The following MARCHF3 variants were observed in gnomAD, a reference collection of about 807,000 sequenced individuals.
The protein encoded by MARCHF3 is membrane associated ring-CH-type finger 3.
MARCHF3 carries 13 observed loss-of-function variants against 24.2 expected under a neutral mutation model. The observed-to-expected ratio is 0.54, with a 90% CI of 0.35 to 0.85. The LOEUF is 0.85. Among genes scored for constraint, MARCHF3 ranks in the 40% least tolerant of loss-of-function variants. MARCHF3 has a pLI of 0.01. For missense variants in MARCHF3, 276 were observed against 325.0 expected (o/e 0.85, Z 1.16); for synonymous variants, 144 against 137.3 (o/e 1.05, Z -0.34).
At chr5:127,022,259 G>A (rs1033626887) in intron 1 of MARCHF3, among the ~76,000 whole-genome samples, 3 of 152,328 alleles carry the variant, frequency 2.0e-5, no homozygotes, top group Non-Finnish European at 4.4e-5. Flanking sequence ...AATGCTCTAA[G>A]CAAGTCCTTT....
chr5:126,931,439 A>T (rs926164335), intron 1 of MARCHF3, among the ~76,000 whole-genome samples: 15 of 152,366 alleles, frequency 9.8e-5, no homozygotes, highest in East Asian at 3.9e-4. Context: ...GTTCCCAAAG[A>T]TCTTTCTAGT....
chr5:126,922,860 T>A (rs2126798723), intron 1 of MARCHF3, among the ~76,000 whole-genome samples: 2 of 152,328 alleles, frequency 1.3e-5, no homozygotes, highest in Middle Eastern at 6.8e-3. Flanking sequence ...TTCTGTCTTT[T>A]AAAACTGTCT....
chr5:126,962,256 C>A (rs180838525), intron 1 of MARCHF3, among the ~76,000 whole-genome samples: 5 of 151,846 alleles, frequency 3.3e-5, no homozygotes, highest in Admixed American at 2.6e-4. Flanking sequence ...ATATATATAT[C>A]TCTGCAGATT....
At chr5:126,933,661 G>A (rs1371777300) in intron 1 of MARCHF3, among the ~76,000 whole-genome samples, 1 of 152,042 alleles carries the variant, frequency 6.6e-6, no homozygotes, top group Non-Finnish European at 1.5e-5. Context: ...AGCCAGGATG[G>A]TCTTGATTTC....
rs544682900 is a variant in MARCHF3 at position 126,937,756 on chromosome 5, G to C, written c.-56-19529C>G. On this transcript the variant is annotated intron_variant, in intron 1 of 4. Coordinates refer to ENST00000308660, the MANE Select transcript of MARCHF3 (RefSeq NM_178450.5). ...ACCTTGGTTGTTGTTTTTGGGGTGA[G>C]AGTGGGGTGAGAAGAAAGAGTAGGG... is the stretch of plus-strand genomic sequence containing the variant. Among the ~76,000 whole-genome samples the C allele has an allele frequency of 2.1e-4, 32 of 152,290 alleles. 1 individual carries two copies. In the South Asian group the frequency reaches 6.4e-3, roughly 31 times the overall value.
chr5:126,874,586 CAAA>C (rs55934327), intron 4 of MARCHF3, among the ~76,000 whole-genome samples: 36 of 85,586 alleles, frequency 4.2e-4, no homozygotes, highest in African/African-American at 1.0e-3. Context: ...AACTCCCTCT[CAAA>C]AAAAAAAAAA....
At chr5:126,929,228 T>C (rs557804070) in intron 1 of MARCHF3, among the ~76,000 whole-genome samples, 1 of 152,364 alleles carries the variant, frequency 6.6e-6, no homozygotes, top group East Asian at 1.9e-4. Context: ...CCATTTCACT[T>C]GTTCCTCTCT....
chr5:126,890,691 T>G (rs1262157293), intron 3 of MARCHF3, among the ~76,000 whole-genome samples: 1 of 151,468 alleles, frequency 6.6e-6, no homozygotes, highest in African/African-American at 2.4e-5. Flanking sequence ...CTATCATTGT[T>G]GGACATTTGG....
At chr5:126,943,859 G>A (rs1749917881) in intron 1 of MARCHF3, among the ~76,000 whole-genome samples, 1 of 151,796 alleles carries the variant, frequency 6.6e-6, no homozygotes, top group Admixed American at 6.6e-5. Flanking sequence ...CGCTCAGGCT[G>A]GAGTGCCAGT....
chr5:127,000,377 G>A (rs1043781055), intron 1 of MARCHF3, among the ~76,000 whole-genome samples: 9 of 152,144 alleles, frequency 5.9e-5, no homozygotes, highest in East Asian at 1.9e-4. Flanking sequence ...TGGGCCTAGC[G>A]TGGCTAAGTT....
intron 1 of MARCHF3, among the ~76,000 whole-genome samples, chr5:127,008,284 G>T (rs974257279): frequency 1.3e-5 from 2 of 152,134 alleles, no homozygotes; most frequent in Non-Finnish European, 2.9e-5. Context: ...CTCATTGTTT[G>T]ATTGCTCGAA....
At chr5:126,921,236 G>A (rs1749097851) in intron 1 of MARCHF3, among the ~76,000 whole-genome samples, 1 of 152,130 alleles carries the variant, frequency 6.6e-6, no homozygotes, top group African/African-American at 2.4e-5. Context: ...GAATTAATGG[G>A]CTAAGAGGGA....
chr5:126,888,677 A>G (rs1753574779), intron 3 of MARCHF3, among the ~76,000 whole-genome samples: 1 of 152,266 alleles, frequency 6.6e-6, no homozygotes, highest in Admixed American at 6.5e-5. Flanking sequence ...ATGGAGAGCA[A>G]GGAAACAGAA....
At chr5:127,006,309 T>C (rs1198667128) in intron 1 of MARCHF3, among the ~76,000 whole-genome samples, 1 of 152,164 alleles carries the variant, frequency 6.6e-6, no homozygotes, top group Non-Finnish European at 1.5e-5. Context: ...CCGAATGTGC[T>C]TCATTATGTT....
intron 1 of MARCHF3, among the ~76,000 whole-genome samples, chr5:126,971,310 G>A (rs1160766342): frequency 1.3e-5 from 2 of 151,808 alleles, no homozygotes; most frequent in Admixed American, 1.3e-4. Flanking sequence ...TTAGCCGGGC[G>A]TGGTGGTGGG....
intron 4 of MARCHF3, among the ~76,000 whole-genome samples, chr5:126,875,434 A>G (rs911967039): frequency 8.5e-5 from 13 of 152,214 alleles, no homozygotes; most frequent in Admixed American, 2.0e-4. Context: ...GGCTCCTCTG[A>G]GGAGCCAGGC....
chr5:127,006,877 C>T (rs56272610), intron 1 of MARCHF3, among the ~76,000 whole-genome samples: 7,886 of 152,142 alleles, frequency 0.052, 389 homozygotes, highest in South Asian at 0.14. Flanking sequence ...TTTTAACATC[C>T]GGGTTGCACT....
At chr5:127,002,246 C>T (rs1752153933) in intron 1 of MARCHF3, among the ~76,000 whole-genome samples, 1 of 152,204 alleles carries the variant, frequency 6.6e-6, no homozygotes. Context: ...ATTATCTCAG[C>T]CCTGATAACA....
At chr5:126,898,040 G>A (rs113721211) in intron 3 of MARCHF3, among the ~76,000 whole-genome samples, 3,149 of 152,102 alleles carry the variant, frequency 0.021, 115 homozygotes, top group African/African-American at 0.072. Flanking sequence ...TAGGCTGGGG[G>A]TGGGGGACAG....
Sources: allele counts gnomAD v4.1 joint callset (sites outside exome capture counted in the v4.1 genomes callset), GRCh38; gene constraint gnomAD v4.1.1; transcripts MANE v1.5; gene names NCBI Gene and HGNC (gene_info 2026-07-23, HGNC 2026-07-21).